ADD2: variants seen among roughly 807,000 people sequenced by gnomAD.
ADD2 encodes adducin 2.
Under a neutral mutation model 83.0 loss-of-function variants are expected in ADD2, and 23 were observed. The ratio of observed to expected loss-of-function variants is 0.28; its 90% CI spans 0.20 to 0.39. The LOEUF is 0.39. ADD2 is among the 10% of genes least tolerant of loss of function. The pLI, the probability that ADD2 is intolerant of heterozygous loss-of-function variation, is 1.00. For missense variants in ADD2, 758 were observed against 944.9 expected (o/e 0.80, Z 2.59); for synonymous variants, 375 against 375.4 (o/e 1.00, Z 0.01).
At chr2:70,698,975 C>T (rs948369509) in intron 4 of ADD2, among the ~76,000 whole-genome samples, 2 of 152,086 alleles carry the variant, frequency 1.3e-5, no homozygotes, top group Admixed American at 6.5e-5. Context: ...ACTCTTGGTA[C>T]TTGAAACTTC....
chr2:70,765,906 G>A (rs987359426), intron 1 of ADD2, among the ~76,000 whole-genome samples: 1 of 152,238 alleles, frequency 6.6e-6, no homozygotes, highest in East Asian at 1.9e-4. Flanking sequence ...ATCCCTTGTG[G>A]AAGAGGTGGT....
At chr2:70,717,957 A>G (rs1553376708) in intron 1 of ADD2, among the ~76,000 whole-genome samples, 1 of 152,176 alleles carries the variant, frequency 6.6e-6, no homozygotes, top group Non-Finnish European at 1.5e-5. Flanking sequence ...GAAGAAAGAG[A>G]GAAAGAGGCA....
In ADD2 at chr2:70,666,623, A is replaced by G. The variant is rs112727057; in HGVS notation, c.1871-2888T>C. 8.2e-3 allele frequency among the ~76,000 whole-genome samples: 1,256 copies of G among 152,312 alleles called. 9 individuals carry two copies. The highest frequency in any genetic ancestry group is 0.029 in the African/African-American group (1,203 of 41,556). ...AAGAGGGGCTCCCACTTTCTGTCCA[A>G]GTGTCATTTCCTGCCTGGTGGCAAT... On this transcript the variant is annotated intron_variant, in intron 15 of 15. Coordinates refer to ENST00000264436, the MANE Select transcript of ADD2 (RefSeq NM_001617.4).
At chr2:70,686,391 G>A (rs1553370544) in intron 9 of ADD2, among the ~76,000 whole-genome samples, 1 of 152,160 alleles carries the variant, frequency 6.6e-6, no homozygotes, top group Non-Finnish European at 1.5e-5. Flanking sequence ...GAAAGTGATA[G>A]CAGCTGAGGG....
intron 1 of ADD2, among the ~76,000 whole-genome samples, chr2:70,724,319 C>T (rs921913986): frequency 2.0e-5 from 3 of 152,212 alleles, no homozygotes; most frequent in African/African-American, 7.2e-5. Flanking sequence ...ACTGCGTGCT[C>T]ATTTCTAAAT....
intron 13 of ADD2, chr2:70,675,625 T>C (rs1574225055): frequency 2.0e-6 from 2 of 985,330 alleles, no homozygotes; most frequent in East Asian, 2.3e-4. Flanking sequence ...TGCAGTGCTC[T>C]GAAGCTGAGG....
chr2:70,710,632 C>T (rs576542239), intron 2 of ADD2, among the ~76,000 whole-genome samples: 4 of 152,344 alleles, frequency 2.6e-5, no homozygotes, highest in African/African-American at 9.6e-5. Flanking sequence ...AAGTTATGTG[C>T]AGAATGGCTT....
In ADD2 at chr2:70,675,237, C is replaced by T. The variant is rs1670073427; in HGVS notation, c.1594-412G>A. 9.9e-6 allele frequency: 10 copies of T among 1,008,062 alleles called. No homozygotes were observed. In the South Asian group the frequency reaches 3.5e-4, roughly 35 times the overall value. The allele number at this position is 1,008,062 out of a possible 1,614,324, so 62.4% of individuals were successfully genotyped here. The stretch of plus-strand genomic sequence containing the variant: ...AAGCAAGCTTCATGCCAGCCATTCC[C>T]CACCACTGCCCTCCCCGCCCCCACA... On this transcript the variant is annotated intron_variant, in intron 13 of 15. Coordinates refer to ENST00000264436, the MANE Select transcript of ADD2 (RefSeq NM_001617.4).
chr2:70,692,635 T>TGCC, intron 6 of ADD2, 83 bp from the exon 7 acceptor site: 2 of 1,411,748 alleles, frequency 1.4e-6, no homozygotes, highest in Non-Finnish European at 1.9e-6. Flanking sequence ...GCCCAGCATG[T>TGCC]GCCGCCCACC....
intron 13 of ADD2, chr2:70,675,342 G>T (rs1461465965): frequency 1.0e-6 from 1 of 986,588 alleles, no homozygotes; most frequent in African/African-American, 1.7e-5. Flanking sequence ...CAAACTGTTA[G>T]TCCTGTTTCA....
At position 70,676,559 on chromosome 2, in the gene ADD2, C is replaced by A; in HGVS notation, c.1593+237G>T. 1 of 1,411,206 alleles carries A rather than the reference C, an allele frequency of 7.1e-7. No homozygotes were observed. Among genetic ancestry groups the A allele is most frequent in the Non-Finnish European group, 9.3e-7 (1 of 1,077,552 alleles). 87.4% of individuals were successfully genotyped at this position (1,411,206 alleles called of 1,614,324 possible). A position where few individuals can be genotyped will look rare whatever the true frequency, so the allele number is the denominator to read the frequency against. ...AAGCCGGCCGCATCACTCCTGCAGG[C>A]AGGCTGGGCTGCTGTTCTCCAGCCC... On this transcript the variant is annotated intron_variant, in intron 13 of 15. Coordinates refer to ENST00000264436, the MANE Select transcript of ADD2 (RefSeq NM_001617.4). The surrounding 1 kb of genome is among the most constrained non-coding windows in gnomAD (Gnocchi z 4.8).
At chr2:70,767,490 C>T in intron 1 of ADD2, 1 of 385,576 alleles carries the variant, frequency 2.6e-6, no homozygotes, top group South Asian at 1.2e-4. Context: ...GGGCGGCGGC[C>T]GAGCGGGAAG....
At chr2:70,709,387 ATGG>A (rs1326767053) in intron 2 of ADD2, among the ~76,000 whole-genome samples, 4 of 152,142 alleles carry the variant, frequency 2.6e-5, no homozygotes, top group Non-Finnish European at 5.9e-5. Context: ...GGCTGCTAGA[ATGG>A]TTGTGGTCAT....
chr2:70,716,016 C>G (rs1372167706), intron 1 of ADD2, among the ~76,000 whole-genome samples: 16 of 152,192 alleles, frequency 1.1e-4, no homozygotes, highest in African/African-American at 3.6e-4. Flanking sequence ...TGGCCGTGTT[C>G]CTTAACCTTT....
intron 4 of ADD2, among the ~76,000 whole-genome samples, chr2:70,702,526 A>T (rs1671645531): frequency 6.6e-6 from 1 of 152,178 alleles, no homozygotes; most frequent in Non-Finnish European, 1.5e-5. Flanking sequence ...CAAATGCATA[A>T]TTAAGGGTAT....
rs1019439179 is a variant in ADD2 at position 70,675,842 on chromosome 2, G to A, written c.1593+954C>T. Reference sequence around the variant, plus strand: ...AAGAGCACTTGGTATAAATGGCAGGGGAGATTTTTGTTTGTTTTTTTAACA... The same window carrying A: ...AAGAGCACTTGGTATAAATGGCAGGAGAGATTTTTGTTTGTTTTTTTAACA... On this transcript the variant is annotated intron_variant, in intron 13 of 15. Coordinates refer to ENST00000264436, the MANE Select transcript of ADD2 (RefSeq NM_001617.4). 9 of 985,242 alleles carry A rather than the reference G, an allele frequency of 9.1e-6. No homozygotes were observed. In the Admixed American group the frequency reaches 2.5e-4, roughly 27 times the overall value. The allele number at this position is 985,242 out of a possible 1,614,324, so 61.0% of individuals were successfully genotyped here.
At chr2:70,723,761 C>T (rs1353418738) in intron 1 of ADD2, among the ~76,000 whole-genome samples, 6 of 152,220 alleles carry the variant, frequency 3.9e-5, no homozygotes, top group African/African-American at 1.2e-4. Context: ...TGTGCCCAGC[C>T]GTCTCCTGAC....
At chr2:70,688,480 T>C (rs1670856172) in intron 8 of ADD2, among the ~76,000 whole-genome samples, 1 of 152,274 alleles carries the variant, frequency 6.6e-6, no homozygotes, top group Admixed American at 6.5e-5. Context: ...TTTTTAGGCC[T>C]TGGAAAGCTT....
At position 70,697,734 on chromosome 2, in the gene ADD2, G is replaced by A. The variant is rs543347853; in HGVS notation, c.323-1338C>T. 1.2e-4 allele frequency among the ~76,000 whole-genome samples: 19 copies of A among 152,266 alleles called. 1 individual carries two copies. The highest frequency in any genetic ancestry group is 6.2e-4 in the South Asian group (3 of 4,812). ...AAGTGATGACGTGGTCTACAAAAGC[G>A]AGGGCGGACGATGTATGTCCTGCAT... On this transcript the variant is annotated intron_variant, in intron 4 of 15. Transcript: ENST00000264436.
Sources: gnomAD v4.1 joint callset for allele counts (sites outside exome capture counted in the v4.1 genomes callset) on GRCh38, gnomAD v4.1.1 for gene constraint, Gnocchi (gnomAD v3.1) non-coding constraint, MANE v1.5 for transcripts, NCBI Gene and HGNC (gene_info 2026-07-23, HGNC 2026-07-21) for gene names.